The following PLCH2 variants were observed in gnomAD, a reference collection of about 807,000 sequenced individuals.
The protein encoded by PLCH2 is 1-phosphatidylinositol 4,5-bisphosphate phosphodiesterase eta-2.
A neutral mutation model predicts 134.7 loss-of-function variants in PLCH2; 98 were observed. That is an observed-to-expected ratio of 0.73 (90% CI 0.62 to 0.86). The LOEUF is 0.86. Among genes scored for constraint, PLCH2 ranks in the 40% least tolerant of loss-of-function variants. The pLI is 0.00. For missense variants in PLCH2, 1,994 were observed against 1,986.6 expected, an observed-to-expected ratio of 1.00 and a Z score of -0.07; for synonymous variants, 974 against 827.5, an observed-to-expected ratio of 1.18 and a Z score of -3.04.
In PLCH2 at chr1:2,439,599, G is replaced by C. The variant is rs1378044160; in HGVS notation, c.115+8970G>C. ...GTTGCGTGCACGTGCTCTCTCTGCA[G>C]TGCTCAGCTGTGCCTCTCCGGGCTG... On this transcript the variant is annotated intron_variant, in intron 2 of 3. Transcript: ENST00000609981. This position sits in a 1 kb window ranked among gnomAD's most constrained non-coding sequence, Gnocchi z 4.7. Among the ~76,000 whole-genome samples the C allele has an allele frequency of 6.6e-6, 1 of 152,244 alleles. No homozygotes were observed. Among genetic ancestry groups the C allele is most frequent in the African/African-American group, 2.4e-5 (1 of 41,458 alleles).
intron 5 of PLCH2, among the ~76,000 whole-genome samples, chr1:2,484,942 C>T (rs1368068150): frequency 1.3e-5 from 2 of 152,182 alleles, no homozygotes; most frequent in African/African-American, 4.8e-5. Context: ...TGACTGTGAA[C>T]ACCCTGCGCC....
At chr1:2,497,456 TG>T in intron 15 of PLCH2, 45 bp from the exon 16 acceptor site, 1 of 1,384,410 alleles carries the variant, frequency 7.2e-7, no homozygotes, top group Non-Finnish European at 1.0e-6. Flanking sequence ...GGCACACACC[TG>T]GAAGGTCAGG....
At chr1:2,499,391 G>C (rs1643085555) in intron 19 of PLCH2, among the ~76,000 whole-genome samples, 161 bp downstream of exon 19, 1 of 152,152 alleles carries the variant, frequency 6.6e-6, no homozygotes, top group South Asian at 2.1e-4. Context: ...GGGGATCTGC[G>C]GGTCAGGCAG....
At position 2,494,874 on chromosome 1, in the gene PLCH2, G is replaced by A. The variant is rs79885852; in HGVS notation, c.1678G>A (p.Val560Met). The change falls in exon 12 of 22, where the codon GTG (valine) becomes ATG (methionine). Residue 560 changes from valine to methionine, a missense_variant. Around this residue, in one of 2 missense-constraint regions of PLCH2, gnomAD observed 1,094 missense variants for 1,234.3 expected, o/e 0.89. Transcript: ENST00000378486. ...GACTCAGAGCAAGGCTGAAGAGGAC[G>A]TGGAGTCTGGGGAGGATGCCGGGGC... ...LGRKSKAEED[V>M]ESGEDAGASR... 38,738 of 1,605,580 alleles carry A rather than the reference G, an allele frequency of 0.024. 626 individuals carry two copies. The highest frequency in any genetic ancestry group is 0.072 in the African/African-American group (5,393 of 74,906).
upstream of PLCH2, among the ~76,000 whole-genome samples, chr1:2,466,101 G>T (rs1189332300): frequency 6.6e-6 from 1 of 152,192 alleles, no homozygotes; most frequent in East Asian, 1.9e-4. Flanking sequence ...TGGCACACGT[G>T]CACTGCAGTG....
At chr1:2,436,250 CCCCTCCT>C (rs1244305748) in intron 2 of PLCH2, among the ~76,000 whole-genome samples, 1 of 112,628 alleles carries the variant, frequency 8.9e-6, no homozygotes, top group East Asian at 2.8e-4. Context: ...CCTCCCTCCT[CCCCTCCT>C]CCCTCCTCCT....
Position 2,459,486 on chromosome 1 carries a change from TTCC to T in PLCH2, c.116-18988_116-18986del, listed in dbSNP as rs1277293444. ...TGGTTCTCCTTCCTGGTGGTCCTCC[TTCC>T]TGGTGGTCCTCCTTCCTGGTGGTCC... On this transcript the variant is annotated intron_variant, in intron 2 of 3. Coordinates refer to the PLCH2 transcript ENST00000609981. Among the ~76,000 whole-genome samples the T allele has an allele frequency of 1.9e-3, 122 of 65,814 alleles. 21 individuals carry two copies. In the Middle Eastern group the frequency reaches 0.037, roughly 20 times the overall value. 43.2% of individuals were successfully genotyped at this position (65,814 alleles called of 152,430 possible). A position where few individuals can be genotyped will look rare whatever the true frequency, so the allele number is the denominator to read the frequency against.
chr1:2,424,264 TATTA>T (rs1242536962), upstream of PLCH2, among the ~76,000 whole-genome samples: 2 of 151,424 alleles, frequency 1.3e-5, no homozygotes, highest in South Asian at 2.1e-4. Flanking sequence ...GAAACTCTAT[TATTA>T]ATTATATTCA....
At position 2,476,513 on chromosome 1, in the gene PLCH2, A is replaced by G. The variant is rs537965020; in HGVS notation, c.-76A>G. On this transcript the variant is annotated 5_prime_UTR_variant, in exon 1 of 22. Transcript: ENST00000378486. ...CGGAGGTCCTGTCGCCAGCGCTGCC[A>G]CTGCCTGACCTCCGCTGCCCGAAGG... 95 of 1,392,656 alleles carry G rather than the reference A, an allele frequency of 6.8e-5. No homozygotes were observed. In the African/African-American group the frequency reaches 1.3e-3, roughly 18 times the overall value. 86.3% of individuals were successfully genotyped at this position (1,392,656 alleles called of 1,614,324 possible). A position where few individuals can be genotyped will look rare whatever the true frequency, so the allele number is the denominator to read the frequency against.
chr1:2,448,248 G>T lies in PLCH2; in HGVS notation c.115+17619G>T, dbSNP rs1342683272. Among the ~76,000 whole-genome samples, 3 of 152,194 alleles carry T rather than the reference G, an allele frequency of 2.0e-5. No individual in the cohort carries two copies. Among genetic ancestry groups the T allele is most frequent in the African/African-American group, 7.2e-5 (3 of 41,436 alleles). On this transcript the variant is annotated intron_variant, in intron 2 of 3. Coordinates refer to the PLCH2 transcript ENST00000609981. The surrounding 1 kb of genome is among the most constrained non-coding windows in gnomAD (Gnocchi z 4.0). ...CCGTGCACTGGCCACTAAAAACGCC[G>T]CACGCTTATTCTCTCGCAGTCCTGG...
intron 2 of PLCH2, among the ~76,000 whole-genome samples, chr1:2,450,541 G>GC (rs1202866828): frequency 2.0e-5 from 1 of 49,108 alleles, no homozygotes; most frequent in Non-Finnish European, 4.0e-5. Flanking sequence ...CTCCCCGCTT[G>GC]CCCCCCAATT....
chr1:2,504,745 T>G lies in PLCH2; in HGVS notation c.3783T>G (p.Thr1261=). 1 of 1,612,486 alleles carries G rather than the reference T, an allele frequency of 6.2e-7. No homozygotes were observed. The highest frequency in any genetic ancestry group is 8.5e-7 in the Non-Finnish European group (1 of 1,179,790). The part of the protein sequence containing the change: ...AAKSKSLGDL[T]ADDFAPSFEG... ...AGTCCAAGAGCCTGGGCGACCTCAC[T>G]GCTGATGACTTTGCCCCTAGCTTTG... is the stretch of plus-strand genomic sequence containing the variant. The change falls in exon 22 of 22, where the codon ACT becomes ACG. Residue 1261 remains threonine, a synonymous_variant. Transcript: ENST00000378486.
chr1:2,457,359 G>A (rs1640544725), intron 2 of PLCH2, among the ~76,000 whole-genome samples: 1 of 152,198 alleles, frequency 6.6e-6, no homozygotes, highest in Non-Finnish European at 1.5e-5. Flanking sequence ...AGTGGCCAGG[G>A]GCTGGGGGGC....
At chr1:2,489,697 G>A in intron 9 of PLCH2, 63 bp from the exon 10 acceptor site, 2 of 1,316,880 alleles carry the variant, frequency 1.5e-6, no homozygotes, top group Non-Finnish European at 2.2e-6. Flanking sequence ...CTTTGTGGGT[G>A]CCAGGTACTG....
In PLCH2 at chr1:2,502,215, G is replaced by A. The variant is rs1240722692; in HGVS notation, c.2765G>A (p.Ser922Asn). 39 of 1,540,324 alleles carry A rather than the reference G, an allele frequency of 2.5e-5. No homozygotes were observed. The highest frequency in any genetic ancestry group is 3.2e-5 in the Non-Finnish European group (37 of 1,144,978). Residue 922 changes from serine to asparagine, a missense_variant, in exon 21 of 22, where the codon AGC becomes AAC. Ser to Asn is a conservative substitution (Grantham distance 46). Transcript: ENST00000378486. The stretch of plus-strand genomic sequence containing the variant: ...CGGCCCCCGGCCCGGCCCTCCGTTA[G>A]CCAGCGGATCCTGCGGCGCACGGCC... The part of the protein sequence containing the change: ...AGRPPARPSV[S>N]QRILRRTASA...
upstream of PLCH2, among the ~76,000 whole-genome samples, chr1:2,474,938 C>T (rs1480335932): frequency 3.9e-5 from 6 of 152,216 alleles, no homozygotes; most frequent in Non-Finnish European, 7.4e-5. Flanking sequence ...TTCCTGAGGA[C>T]GCCCGGGACT....
At chr1:2,465,144 C>A (rs978989506), upstream of PLCH2, among the ~76,000 whole-genome samples, 3 of 152,156 alleles carry the variant, frequency 2.0e-5, no homozygotes, top group African/African-American at 7.2e-5. Flanking sequence ...GGGCTGTGGG[C>A]CAAGGTCTAG....
rs772013339 is a variant in PLCH2 at position 2,504,319 on chromosome 1, C to T, written c.3357C>T (p.Ala1119=). Residue 1119 remains alanine, a synonymous_variant, in exon 22 of 22, where the codon GCC becomes GCT. Transcript: ENST00000378486. ...TGGCCGCTCCCTTTCCAGCTCCTGC[C>T]GTGTACTCCGATGCCACGGGCAGTG... The part of the protein sequence containing the change: ...RPLAAPFPAP[A]VYSDATGSDP... 1.5e-5 allele frequency: 24 copies of T among 1,608,270 alleles called. No homozygotes were observed. The highest frequency in any genetic ancestry group is 4.5e-5 in the East Asian group (2 of 44,868).
Position 2,505,241 on chromosome 1 carries a change from C to A in PLCH2, c.*28C>A. On this transcript the variant is annotated 3_prime_UTR_variant, in exon 22 of 22. Coordinates refer to ENST00000378486, the MANE Select transcript of PLCH2 (RefSeq NM_014638.4). Reference sequence around the variant, plus strand: ...GTCAGTGGTGGGAACCTGGGCGGCTCTGGAGGCCCAGGGCAGGGGTGGGCG... The same window carrying A: ...GTCAGTGGTGGGAACCTGGGCGGCTATGGAGGCCCAGGGCAGGGGTGGGCG... 1 of 1,521,140 alleles carries A rather than the reference C, an allele frequency of 6.6e-7. No homozygotes were observed. The allele number at this position is 1,521,140 out of a possible 1,614,324, so 94.2% of individuals were successfully genotyped here. A position where few individuals can be genotyped will look rare whatever the true frequency, so the allele number is the denominator to read the frequency against.
Sources: gnomAD v4.1 joint callset for allele counts (sites outside exome capture counted in the v4.1 genomes callset) on GRCh38, gnomAD v4.1.1 for gene constraint, gnomAD v4.1.1 regional missense constraint, Gnocchi (gnomAD v3.1) non-coding constraint, MANE v1.5 for transcripts, NCBI Gene and HGNC (gene_info 2026-07-23, HGNC 2026-07-21) for gene names.